FAM168B: variants seen among roughly 807,000 people sequenced by gnomAD.
FAM168B encodes the protein myelin-associated neurite-outgrowth inhibitor.
In FAM168B, 19 loss-of-function variants were observed where a neutral mutation model predicts 21.8. The observed-to-expected ratio is 0.87, with a 90% confidence interval of 0.61 to 1.28. The LOEUF (loss-of-function observed/expected upper bound fraction) is 1.28. Ranked by LOEUF, FAM168B falls within the 50% of genes most tolerant of loss-of-function variation. FAM168B has a pLI of 0.00. For synonymous variants in FAM168B, 126 were observed against 104.8 expected (o/e 1.20, Z -1.24); for missense variants, 233 against 263.1 (o/e 0.89, Z 0.79).
Position 131,047,924 on chromosome 2 carries a change from A to T in FAM168B, c.*4541T>A. 1.4e-5 allele frequency: 3 copies of T among 221,902 alleles called. No homozygotes were observed. The South Asian group carries it at 1.9e-4, about 14-fold the overall frequency. 13.7% of individuals were successfully genotyped at this position (221,902 alleles called of 1,614,324 possible). A position where few individuals can be genotyped will look rare whatever the true frequency, so the allele number is the denominator to read the frequency against. On this transcript the variant is annotated 3_prime_UTR_variant, in exon 7 of 7. Transcript: ENST00000389915. ...GAAAACTGCAGTATTAATACATAAC[A>T]ATTCTTGTTACAATAAACGTGCTTT...
In FAM168B at chr2:131,048,998, G is replaced by C; in HGVS notation, c.*3467C>G. ...TGTTCTCAAATGTTTAAAAAGGACA[G>C]GTGAAGTCTGGGTCTCCTTTTTTAA... is the stretch of plus-strand genomic sequence containing the variant. On this transcript the variant is annotated 3_prime_UTR_variant, in exon 7 of 7. Coordinates refer to ENST00000389915, the MANE Select transcript of FAM168B (RefSeq NM_001009993.4). 1.0e-6 allele frequency: 1 copy of C among 985,548 alleles called. No homozygotes were observed. Among genetic ancestry groups the C allele is most frequent in the Non-Finnish European group, 1.2e-6 (1 of 829,948 alleles). 61.1% of individuals were successfully genotyped at this position (985,548 alleles called of 1,614,324 possible). A position where few individuals can be genotyped will look rare whatever the true frequency, so the allele number is the denominator to read the frequency against.
intron 1 of FAM168B, among the ~76,000 whole-genome samples, chr2:131,090,476 T>C (rs1399373327): frequency 6.6e-6 from 1 of 152,112 alleles, no homozygotes; most frequent in African/African-American, 2.4e-5. Context: ...ACAAATCTAA[T>C]TTTAAGAGGT....
chr2:131,090,319 CAAAAAAAAAAAA>C (rs1179969129), intron 1 of FAM168B, among the ~76,000 whole-genome samples: 2 of 75,222 alleles, frequency 2.7e-5, no homozygotes, highest in African/African-American at 4.1e-5. Flanking sequence ...ACTCTTGTCT[CAAAAAAAAAAAA>C]AAAAAAAAGA....
At chr2:131,085,293 T>C (rs577530241) in intron 1 of FAM168B, among the ~76,000 whole-genome samples, 51 of 152,192 alleles carry the variant, frequency 3.4e-4, no homozygotes, top group African/African-American at 1.2e-3. Context: ...CTGAAAAACA[T>C]GTAATAAGTA....
At chr2:131,078,699 T>C (rs1312401903) in intron 2 of FAM168B, among the ~76,000 whole-genome samples, 1 of 152,056 alleles carries the variant, frequency 6.6e-6, no homozygotes, top group East Asian at 1.9e-4. Flanking sequence ...GAGGCAAAAA[T>C]TATTCTAGGC....
At chr2:131,073,915 G>A (rs956463468) in intron 2 of FAM168B, among the ~76,000 whole-genome samples, 1 of 152,184 alleles carries the variant, frequency 6.6e-6, no homozygotes, top group Non-Finnish European at 1.5e-5. Flanking sequence ...ATCTTATTAA[G>A]ACTAAACCAT....
At chr2:131,061,076 C>A (rs1692269766) in intron 3 of FAM168B, among the ~76,000 whole-genome samples, 1 of 150,014 alleles carries the variant, frequency 6.7e-6, no homozygotes, top group African/African-American at 2.4e-5. Flanking sequence ...TGGTCTTGAT[C>A]TCCTGACCTT....
chr2:131,069,778 C>A (rs1008666009), intron 3 of FAM168B, among the ~76,000 whole-genome samples: 1 of 151,788 alleles, frequency 6.6e-6, no homozygotes, highest in African/African-American at 2.4e-5. Flanking sequence ...CAGGCGTGAG[C>A]CACTGCGCCC....
intron 2 of FAM168B, among the ~76,000 whole-genome samples, chr2:131,081,660 A>G (rs1429583682): frequency 1.3e-5 from 2 of 152,166 alleles, no homozygotes; most frequent in African/African-American, 4.8e-5. Flanking sequence ...ATGACTGATA[A>G]GAAGTCTCAC....
In FAM168B at chr2:131,048,118, C is replaced by A; in HGVS notation, c.*4347G>T. On this transcript the variant is annotated 3_prime_UTR_variant, in exon 7 of 7. Coordinates refer to ENST00000389915, the MANE Select transcript of FAM168B (RefSeq NM_001009993.4). ...CTTTAACACTGGAAGACAATGCTGA[C>A]TTAGCTTAAAAAAAGTACCGAGAGA... is the stretch of plus-strand genomic sequence containing the variant. The A allele has an allele frequency of 1.7e-6, 2 of 1,149,262 alleles. No individual in the cohort carries two copies. The highest frequency in any genetic ancestry group is 2.2e-6 in the Non-Finnish European group (2 of 890,420). 71.2% of individuals were successfully genotyped at this position (1,149,262 alleles called of 1,614,324 possible).
In FAM168B at chr2:131,049,656, T is replaced by A. The variant is rs530471214; in HGVS notation, c.*2809A>T. On this transcript the variant is annotated 3_prime_UTR_variant, in exon 7 of 7. Coordinates refer to ENST00000389915, the MANE Select transcript of FAM168B (RefSeq NM_001009993.4). Reference sequence around the variant, plus strand: ...AGGTGTAGAACAAATATTTTTTAAATAGCCATCATGATGTCCATGTTTACA... The same window carrying A: ...AGGTGTAGAACAAATATTTTTTAAAAAGCCATCATGATGTCCATGTTTACA... 9.6e-5 allele frequency: 95 copies of A among 985,702 alleles called. No homozygotes were observed. In the African/African-American group the frequency reaches 1.6e-3, roughly 17 times the overall value. The allele number at this position is 985,702 out of a possible 1,614,324, so 61.1% of individuals were successfully genotyped here.
intron 1 of FAM168B, among the ~76,000 whole-genome samples, chr2:131,084,826 G>A (rs938020618): frequency 6.6e-6 from 1 of 151,934 alleles, no homozygotes; most frequent in Non-Finnish European, 1.5e-5. Flanking sequence ...AAGCTTAAGT[G>A]ATCTTCCCAC....
At chr2:131,066,563 T>G (rs1432358249) in intron 3 of FAM168B, among the ~76,000 whole-genome samples, 2 of 151,400 alleles carry the variant, frequency 1.3e-5, no homozygotes, top group East Asian at 3.9e-4. Context: ...ACAGACTGTT[T>G]TGACAATTTC....
rs775010381 is a variant in FAM168B at position 131,086,256 on chromosome 2, G to A, written c.-11-3599C>T. Among the ~76,000 whole-genome samples the A allele has an allele frequency of 3.9e-5, 6 of 152,226 alleles. No homozygotes were observed. The East Asian group carries it at 1.2e-3, about 29-fold the overall frequency. Reference sequence around the variant, plus strand: ...TTCCCAAATGTTATTTCTTTCTTCTGTGCCAGGAGCTACTAATTTTTATTT... The same window carrying A: ...TTCCCAAATGTTATTTCTTTCTTCTATGCCAGGAGCTACTAATTTTTATTT... On this transcript the variant is annotated intron_variant, in intron 1 of 6. Coordinates refer to ENST00000389915, the MANE Select transcript of FAM168B (RefSeq NM_001009993.4).
chr2:131,086,947 C>A (rs1451542382), intron 1 of FAM168B, among the ~76,000 whole-genome samples: 2 of 128,816 alleles, frequency 1.6e-5, no homozygotes, highest in African/African-American at 7.9e-5. Flanking sequence ...CGCCTGTAGT[C>A]CCAGCTACTC....
At chr2:131,056,818 C>T (rs1015161535) in intron 3 of FAM168B, among the ~76,000 whole-genome samples, 3 of 152,126 alleles carry the variant, frequency 2.0e-5, no homozygotes, top group African/African-American at 7.2e-5. Flanking sequence ...GAGCCAGATA[C>T]AAGGACACAT....
intron 1 of FAM168B, among the ~76,000 whole-genome samples, chr2:131,089,141 T>A (rs1693874779): frequency 6.6e-6 from 1 of 152,040 alleles, no homozygotes; most frequent in African/African-American, 2.4e-5. Context: ...TAATTTTGTA[T>A]TTTTAGTAGA....
chr2:131,072,243 C>G (rs749501884), intron 2 of FAM168B, among the ~76,000 whole-genome samples: 17 of 152,064 alleles, frequency 1.1e-4, no homozygotes, highest in Non-Finnish European at 2.2e-4. Context: ...CCTGCCTCAG[C>G]CTTCCGAAGA....
rs1194484015 is a variant in FAM168B, at chr2:131,051,357, T to C, written c.*1108A>G. The stretch of plus-strand genomic sequence containing the variant: ...TGGAGGAATTTTAAATAAAGTTTTG[T>C]TCCCTTTTAACTCATTCTTAAATAT... On this transcript the variant is annotated 3_prime_UTR_variant, in exon 7 of 7. Transcript: ENST00000389915. 1 of 985,286 alleles carries C rather than the reference T, an allele frequency of 1.0e-6. No individual in the cohort carries two copies. Among genetic ancestry groups the C allele is most frequent in the African/African-American group, 1.7e-5 (1 of 57,216 alleles). 61.0% of individuals were successfully genotyped at this position (985,286 alleles called of 1,614,324 possible). A position where few individuals can be genotyped will look rare whatever the true frequency, so the allele number is the denominator to read the frequency against.
Sources: allele counts gnomAD v4.1 joint callset (sites outside exome capture counted in the v4.1 genomes callset), GRCh38; gene constraint gnomAD v4.1.1; transcripts MANE v1.5; gene names NCBI Gene and HGNC (gene_info 2026-07-23, HGNC 2026-07-21).